The following TRPV5 variants were observed in gnomAD, a reference collection of about 807,000 sequenced individuals.
The protein encoded by TRPV5 is calcium transport protein 2.
Under a neutral mutation model 74.1 loss-of-function variants are expected in TRPV5, and 66 were observed. That is an observed-to-expected ratio of 0.89 (90% CI 0.73 to 1.09). The LOEUF is 1.09. Ranked by LOEUF, TRPV5 falls within the 50% of genes least tolerant of loss-of-function variation. The pLI is 0.00. For synonymous variants in TRPV5, 399 were observed against 360.7 expected (o/e 1.11, Z -1.20); for missense variants, 936 against 930.4 (o/e 1.01, Z -0.08).
At chr7:142,933,080 G>A (rs2116614278) in intron 1 of TRPV5, among the ~76,000 whole-genome samples, 1 of 152,124 alleles carries the variant, frequency 6.6e-6, no homozygotes, top group South Asian at 2.1e-4. Flanking sequence ...CTCCCCCTTG[G>A]CTGTCATTCT....
chr7:142,912,367 C>G lies in TRPV5; in HGVS notation c.1788+115G>C, dbSNP rs1045723667. On this transcript the variant is annotated intron_variant, in intron 13 of 14. Coordinates refer to ENST00000265310, the MANE Select transcript of TRPV5 (RefSeq NM_019841.7). ...TTTACACAAACCTCTTCTGAGGTGACAGCCTCACTGGGTTTTTCTGTGACT... is the reference window on the plus strand; with the variant it reads ...TTTACACAAACCTCTTCTGAGGTGAGAGCCTCACTGGGTTTTTCTGTGACT... 1.7e-5 allele frequency: 23 copies of G among 1,389,386 alleles called. No homozygotes were observed. The African/African-American group carries it at 2.9e-4, about 17-fold the overall frequency. The allele number at this position is 1,389,386 out of a possible 1,614,324, so 86.1% of individuals were successfully genotyped here.
chr7:142,922,315 A>T (rs1269760195), intron 8 of TRPV5, among the ~76,000 whole-genome samples: 2 of 152,216 alleles, frequency 1.3e-5, no homozygotes, highest in Non-Finnish European at 2.9e-5. Context: ...AGGGCTCAAG[A>T]GAATCTTTTT....
rs745716718 is a variant in TRPV5, at chr7:142,928,175, G to A, written c.822C>T (p.Thr274=). The change falls in exon 7 of 15, where the codon ACC becomes ACT. Residue 274 remains threonine, a synonymous_variant. Transcript: ENST00000265310. ...RHIQWTYGPL[T]SILYDLTEID... is the part of the protein sequence containing the mutation. ...TCTCCGTGAGGTCGTAGAGAATGGA[G>A]GTCAGGGGTCCATACGTCCACTGGA... 2.5e-6 allele frequency: 4 copies of A among 1,614,138 alleles called. No individual in the cohort carries two copies. Among genetic ancestry groups the A allele is most frequent in the Non-Finnish European group, 3.4e-6 (4 of 1,179,988 alleles).
rs552507914 is a variant in TRPV5, at chr7:142,931,266, C to T, written c.129-820G>A. ...CTCGAACTCCTGAGCTCAGGCAATC[C>T]GCCTGCCTTGGCCTCCCAAAGTGCT... On this transcript the variant is annotated intron_variant, in intron 1 of 14. Transcript: ENST00000265310. Among the ~76,000 whole-genome samples the T allele has an allele frequency of 5.9e-5, 9 of 152,128 alleles. No homozygotes were observed. In the South Asian group the frequency reaches 6.2e-4, roughly 11 times the overall value.
At chr7:142,915,172 G>A in intron 10 of TRPV5, 126 bp from the exon 11 acceptor site, 1 of 1,514,646 alleles carries the variant, frequency 6.6e-7, no homozygotes, top group Non-Finnish European at 9.1e-7. Flanking sequence ...CGCACATACA[G>A]TTACACCTAC....
At chr7:142,920,796 T>C (rs1795870284) in intron 8 of TRPV5, among the ~76,000 whole-genome samples, 2 of 152,202 alleles carry the variant, frequency 1.3e-5, no homozygotes, top group South Asian at 4.1e-4. Flanking sequence ...CAAAACGCGG[T>C]GCACAGAATC....
In TRPV5 at chr7:142,908,174, C is replaced by T. The variant is rs1795638846; in HGVS notation, c.*340G>A. On this transcript the variant is annotated 3_prime_UTR_variant, in exon 15 of 15. Coordinates refer to ENST00000265310, the MANE Select transcript of TRPV5 (RefSeq NM_019841.7). The stretch of plus-strand genomic sequence containing the variant: ...GTAAGCCCTGGGGAGCCAGAAAAGC[C>T]TCACAGCTTACTACTTTCTAGGGGC... The T allele has an allele frequency of 9.0e-6, 3 of 331,808 alleles. No individual in the cohort carries two copies. The highest frequency in any genetic ancestry group is 4.5e-5 in the Admixed American group (1 of 22,394). The allele number at this position is 331,808 out of a possible 1,614,324, so 20.6% of individuals were successfully genotyped here.
intron 5 of TRPV5, 49 bp from the exon 6 acceptor site, chr7:142,928,915 T>C (rs1324822139): frequency 7.4e-6 from 12 of 1,611,992 alleles, no homozygotes; most frequent in Non-Finnish European, 1.0e-5. Context: ...AAGTCCCTGA[T>C]GTCCCCATCC....
chr7:142,919,399 G>C (rs1188153563), intron 8 of TRPV5, among the ~76,000 whole-genome samples: 11 of 152,182 alleles, frequency 7.2e-5, no homozygotes, highest in Admixed American at 7.2e-4. Flanking sequence ...CATTGCCTAA[G>C]AGACGCAGAA....
In TRPV5 at chr7:142,915,313, A is replaced by G. The variant is rs1795775408; in HGVS notation, c.1280T>C (p.Val427Ala). 1 of 1,609,596 alleles carries G rather than the reference A, an allele frequency of 6.2e-7. No homozygotes were observed. Among genetic ancestry groups the G allele is most frequent in the Non-Finnish European group, 8.5e-7 (1 of 1,178,910 alleles). ...GKTILGGPFH[V>A]IIITYASLVL... ...GGAATGAGGGGATACTCACATGATGACATGGAATGGCCCCCCAAGAATCGT... is the reference window on the plus strand; with the variant it reads ...GGAATGAGGGGATACTCACATGATGGCATGGAATGGCCCCCCAAGAATCGT... Residue 427 changes from valine (V) to alanine (A), a missense_variant, in exon 10 of 15, where the codon GTC (valine) becomes GCC (alanine). Physicochemically the swap from Val to Ala is moderately conservative, Grantham distance 64. Transcript: ENST00000265310.
chr7:142,913,674 G>GTTGTT (rs1795745124), intron 12 of TRPV5, among the ~76,000 whole-genome samples: 1 of 152,136 alleles, frequency 6.6e-6, no homozygotes, highest in African/African-American at 2.4e-5. Context: ...TTTTGTTGTT[G>GTTGTT]TTGTTTTGTT....
intron 8 of TRPV5, among the ~76,000 whole-genome samples, chr7:142,919,947 T>G (rs1186641898): frequency 1.3e-5 from 2 of 152,166 alleles, no homozygotes; most frequent in Non-Finnish European, 2.9e-5. Flanking sequence ...AGGAATGAAG[T>G]TTTCAGAGAA....
At chr7:142,924,353 GACATATACATGTATATATATACATATATA>G (rs1795944077) in intron 8 of TRPV5, among the ~76,000 whole-genome samples, 1 of 14,604 alleles carries the variant, frequency 6.8e-5, no homozygotes, top group African/African-American at 1.1e-4. Flanking sequence ...TATATATATA[GACATATACATGTATATATATACATATATA>G]TATATATATA....
At position 142,925,643 on chromosome 7, in the gene TRPV5, G is replaced by A. The variant is rs200214886; in HGVS notation, c.1008C>T (p.Tyr336=). ...RPYFCILAAL[Y]LLYMICFTTC... is the part of the protein sequence containing the mutation. Reference sequence around the variant, plus strand: ...TAGTAAAGCAGATCATGTAGAGCAGGTACAAGGCAGCCAGGATGCAGAAGT... The same window carrying A: ...TAGTAAAGCAGATCATGTAGAGCAGATACAAGGCAGCCAGGATGCAGAAGT... The change falls in exon 8 of 15, where the codon TAC becomes TAT. Residue 336 remains tyrosine, a synonymous_variant. Coordinates refer to ENST00000265310, the MANE Select transcript of TRPV5 (RefSeq NM_019841.7). 9.9e-6 allele frequency: 16 copies of A among 1,614,178 alleles called. No individual in the cohort carries two copies. The highest frequency in any genetic ancestry group is 6.7e-5 in the Admixed American group (4 of 60,030).
At chr7:142,923,794 G>C (rs564603620) in intron 8 of TRPV5, among the ~76,000 whole-genome samples, 1 of 152,264 alleles carries the variant, frequency 6.6e-6, no homozygotes, top group East Asian at 1.9e-4. Context: ...TACATAACTA[G>C]CCCTGTCCCA....
At chr7:142,928,300 A>T (rs1177943105) in intron 6 of TRPV5, 66 bp from the exon 7 acceptor site, 1 of 1,574,020 alleles carries the variant, frequency 6.4e-7, no homozygotes, top group Non-Finnish European at 8.7e-7. Context: ...GAACAACTCC[A>T]TTGGATGGAG....
intron 3 of TRPV5, 125 bp downstream of exon 3, chr7:142,929,933 G>A (rs1796055861): frequency 4.8e-6 from 7 of 1,451,568 alleles, no homozygotes; most frequent in Middle Eastern, 1.7e-4. Context: ...CCAACTCAAC[G>A]GAGCCCATCC....
At chr7:142,927,019 C>G (rs1796000091) in intron 7 of TRPV5, among the ~76,000 whole-genome samples, 1 of 152,224 alleles carries the variant, frequency 6.6e-6, no homozygotes, top group African/African-American at 2.4e-5. Context: ...CTTTTCTCCT[C>G]TCTACTGCAG....
At chr7:142,924,580 C>T (rs1167005476) in intron 8 of TRPV5, among the ~76,000 whole-genome samples, 2 of 151,766 alleles carry the variant, frequency 1.3e-5, no homozygotes, top group African/African-American at 4.8e-5. Flanking sequence ...CCGACTGAAA[C>T]TACCCTGCTT....
Sources: allele counts gnomAD v4.1 joint callset (sites outside exome capture counted in the v4.1 genomes callset), GRCh38; gene constraint gnomAD v4.1.1; transcripts MANE v1.5; gene names NCBI Gene and HGNC (gene_info 2026-07-23, HGNC 2026-07-21).